Variants in PIK3C2G observed in about 807,000 individuals in gnomAD.
PIK3C2G encodes the protein phosphatidylinositol 3-kinase C2 domain-containing subunit gamma.
Under a neutral mutation model 181.1 loss-of-function variants are expected in PIK3C2G, and 168 were observed. That is an observed-to-expected ratio of 0.93 (90% CI 0.82 to 1.05). PIK3C2G has a LOEUF of 1.05. Ranked by LOEUF, PIK3C2G falls within the 50% of genes least tolerant of loss-of-function variation. The pLI, the probability that PIK3C2G is intolerant of heterozygous loss-of-function variation, is 0.00. For synonymous variants in PIK3C2G, 573 were observed against 592.2 expected, an observed-to-expected ratio of 0.97 and a Z score of 0.47; for missense variants, 1,869 against 1,732.8, an observed-to-expected ratio of 1.08 and a Z score of -1.40.
intron 13 of PIK3C2G, among the ~76,000 whole-genome samples, chr12:18,380,182 C>T (rs1014782576): frequency 1.3e-5 from 2 of 152,160 alleles, no homozygotes; most frequent in African/African-American, 4.8e-5. Context: ...AACTGGGACG[C>T]CTATGTCCGC....
chr12:18,406,047 C>A (rs138934912), intron 16 of PIK3C2G, among the ~76,000 whole-genome samples: 1 of 152,244 alleles, frequency 6.6e-6, no homozygotes, highest in East Asian at 1.9e-4. Flanking sequence ...CTCCTCTCCC[C>A]AAAGCCTCTG....
At chr12:18,584,047 G>C (rs1224191878) in intron 29 of PIK3C2G, among the ~76,000 whole-genome samples, 11 of 127,364 alleles carry the variant, frequency 8.6e-5, no homozygotes, top group Non-Finnish European at 1.8e-4. Context: ...TTTTTTTTTT[G>C]AGACAGAGTC....
At chr12:18,396,295 A>G (rs1943888530) in intron 15 of PIK3C2G, among the ~76,000 whole-genome samples, 1 of 151,716 alleles carries the variant, frequency 6.6e-6, no homozygotes, top group Non-Finnish European at 1.5e-5. Context: ...ATCTAGGAAA[A>G]AAAGTGGTAA....
At chr12:18,663,557 C>T in the PIK3C2G span, among the ~76,000 whole-genome samples, 1 of 151,776 alleles carries the variant, frequency 6.6e-6, no homozygotes, top group Non-Finnish European at 1.5e-5. Context: ...GAAATAATCC[C>T]ACATTGATAC....
chr12:18,417,050 C>A (rs1159140146), intron 16 of PIK3C2G, among the ~76,000 whole-genome samples: 3 of 152,024 alleles, frequency 2.0e-5, no homozygotes, highest in African/African-American at 7.2e-5. Context: ...TCAACATTAA[C>A]AGGAGTTTCA....
At chr12:18,431,858 C>T (rs1004184393) in intron 18 of PIK3C2G, among the ~76,000 whole-genome samples, 1 of 151,972 alleles carries the variant, frequency 6.6e-6, no homozygotes, top group African/African-American at 2.4e-5. Context: ...CTTTGTTGTC[C>T]TCAGAAATGT....
chr12:18,683,581 C>A, the PIK3C2G span: 4 of 1,460,808 alleles, frequency 2.7e-6, no homozygotes, highest in Non-Finnish European at 3.6e-6. Flanking sequence ...CCAAAATTAG[C>A]CACCACCCTT....
intron 5 of PIK3C2G, among the ~76,000 whole-genome samples, chr12:18,310,113 T>C (rs1950578763): frequency 6.6e-6 from 1 of 151,926 alleles, no homozygotes. Context: ...GAATTCAATG[T>C]AGAGGAAACA....
rs1205033738 is a variant in PIK3C2G at position 18,491,486 on chromosome 12, G to C, written c.2721G>C (p.Glu907Asp). ...AGAAAGAAATTGGCAGACTAGAAGA[G>C]TTCTTTCAAGATGTAAATACTTGTC... ...VLKKEIGRLE[E>D]FFQDVNTCHL... Residue 907 changes from glutamate (E) to aspartate (D), a missense_variant, in exon 20 of 33, where the codon GAG (glutamate) becomes GAC (aspartate). Physicochemically the swap from Glu to Asp is conservative, Grantham distance 45. Coordinates refer to ENST00000538779, the MANE Select transcript of PIK3C2G (RefSeq NM_001288772.2). The C allele has an allele frequency of 6.2e-7, 1 of 1,607,510 alleles. No individual in the cohort carries two copies. Among genetic ancestry groups the C allele is most frequent in the Non-Finnish European group, 8.5e-7 (1 of 1,174,556 alleles).
At chr12:18,551,149 A>G (rs986801750) in intron 26 of PIK3C2G, among the ~76,000 whole-genome samples, 3 of 151,954 alleles carry the variant, frequency 2.0e-5, no homozygotes, top group East Asian at 1.9e-4. Context: ...ATCATCATCA[A>G]CTACTCTCTG....
intron 18 of PIK3C2G, among the ~76,000 whole-genome samples, chr12:18,466,623 T>C (rs541117476): frequency 1.6e-4 from 24 of 152,068 alleles, no homozygotes; most frequent in African/African-American, 5.5e-4. Context: ...ATATTTTTAG[T>C]GAGTGCCTTC....
intron 14 of PIK3C2G, among the ~76,000 whole-genome samples, chr12:18,385,484 G>A (rs1474999875): frequency 6.6e-6 from 1 of 152,112 alleles, no homozygotes; most frequent in African/African-American, 2.4e-5. Flanking sequence ...GCAATCTAGT[G>A]GAACAGCTCT....
chr12:18,524,789 A>T (rs1943129874), intron 24 of PIK3C2G, among the ~76,000 whole-genome samples: 1 of 151,590 alleles, frequency 6.6e-6, no homozygotes, highest in Admixed American at 6.6e-5. Context: ...GCTGGTCTCA[A>T]ACTCCTGACC....
chr12:18,517,644 G>A (rs1309415978), intron 24 of PIK3C2G, among the ~76,000 whole-genome samples: 4 of 152,126 alleles, frequency 2.6e-5, no homozygotes, highest in Admixed American at 1.3e-4. Context: ...TGAGATGATG[G>A]GGTTTTCTAA....
intron 18 of PIK3C2G, among the ~76,000 whole-genome samples, chr12:18,456,404 G>A (rs1004942301): frequency 3.3e-5 from 5 of 152,096 alleles, no homozygotes; most frequent in African/African-American, 1.2e-4. Flanking sequence ...TGCAGAAAGA[G>A]AGGGGCTCCC....
At chr12:18,677,451 G>A in the PIK3C2G span, among the ~76,000 whole-genome samples, 6 of 152,066 alleles carry the variant, frequency 3.9e-5, no homozygotes, top group East Asian at 1.2e-3. Flanking sequence ...ATAGAGGGCT[G>A]GTTAGAAGGC....
chr12:18,361,405 TC>T (rs1941225190), intron 11 of PIK3C2G, among the ~76,000 whole-genome samples: 1 of 152,152 alleles, frequency 6.6e-6, no homozygotes, highest in African/African-American at 2.4e-5. Flanking sequence ...TTTGTTTTGT[TC>T]CTTTGTTTCT....
intron 31 of PIK3C2G, among the ~76,000 whole-genome samples, chr12:18,633,558 T>C (rs531715794): frequency 1.3e-5 from 2 of 152,314 alleles, no homozygotes; most frequent in Non-Finnish European, 1.5e-5. Context: ...GGAGTGGTCG[T>C]TGTAGTATTC....
intron 30 of PIK3C2G, among the ~76,000 whole-genome samples, chr12:18,600,701 G>C (rs957893466): frequency 6.6e-6 from 1 of 151,932 alleles, no homozygotes; most frequent in Non-Finnish European, 1.5e-5. Context: ...TTGTAAATCT[G>C]TCTGAAATTG....
Sources: gnomAD v4.1 joint callset for allele counts (sites outside exome capture counted in the v4.1 genomes callset) on GRCh38, gnomAD v4.1.1 for gene constraint, MANE v1.5 for transcripts, NCBI Gene and HGNC (gene_info 2026-07-23, HGNC 2026-07-21) for gene names.